Variants in ITIH5 observed in about 807,000 individuals in gnomAD.
ITIH5 encodes inter-alpha-trypsin inhibitor heavy chain 5, also known as inter-alpha-trypsin inhibitor heavy chain H5.
ITIH5 carries 65 observed loss-of-function variants against 77.5 expected under a neutral mutation model. The observed-to-expected ratio is 0.84, with a 90% CI of 0.69 to 1.03. ITIH5 has a LOEUF of 1.03. ITIH5 is among the 50% of genes least tolerant of loss of function. ITIH5 has a pLI of 0.00. For missense variants in ITIH5, 1,208 were observed against 1,213.1 expected (o/e 1.00, Z 0.06); for synonymous variants, 525 against 494.3 (o/e 1.06, Z -0.82).
At chr10:7,656,227 T>A (rs1328589835) in intron 1 of ITIH5, among the ~76,000 whole-genome samples, 1 of 152,178 alleles carries the variant, frequency 6.6e-6, no homozygotes, top group African/African-American at 2.4e-5. Flanking sequence ...TGAAATCGTC[T>A]TTTTTTAGAC....
In ITIH5 at chr10:7,562,348, T is replaced by C. The variant is rs529878467; in HGVS notation, c.*735A>G. On this transcript the variant is annotated 3_prime_UTR_variant, in exon 14 of 14. Coordinates refer to ENST00000397146, the MANE Select transcript of ITIH5 (RefSeq NM_030569.7). ...AAAGCCCTTAGCTTATTGGAACAAA[T>C]TGGAGAATAGCCATTAGCAAAGTCA... The C allele has an allele frequency of 7.2e-5, 11 of 152,290 alleles. No individual in the cohort carries two copies. In the East Asian group the frequency reaches 7.7e-4, roughly 11 times the overall value. 9.4% of individuals were successfully genotyped at this position (152,290 alleles called of 1,614,324 possible).
chr10:7,577,928 T>C (rs534664601), intron 9 of ITIH5, among the ~76,000 whole-genome samples: 112 of 152,318 alleles, frequency 7.4e-4, no homozygotes, highest in African/African-American at 2.6e-3. Flanking sequence ...ACAAACTACA[T>C]TTCCCAGCCT....
rs139355305 is a variant in ITIH5 at position 7,655,659 on chromosome 10, G to A, written c.107C>T (p.Pro36Leu). Residue 36 changes from proline to leucine, a missense_variant, in exon 2 of 14, where the codon CCG becomes CTG. Transcript: ENST00000397146. ...CCTCTGCAACAGTCTGACTTGCCTCGGGACCCTGAGTCCATCCTAGAAAAG... is the reference window on the plus strand; with the variant it reads ...CCTCTGCAACAGTCTGACTTGCCTCAGGACCCTGAGTCCATCCTAGAAAAG... ...HSSEQDGLRV[P>L]RQVRLLQRLK... 2.5e-5 allele frequency: 41 copies of A among 1,612,396 alleles called. No homozygotes were observed. The highest frequency in any genetic ancestry group is 8.8e-5 in the South Asian group (8 of 91,044).
intron 12 of ITIH5, among the ~76,000 whole-genome samples, chr10:7,569,010 C>CTTTTTTTTTTTTTTTTTTTT (rs5782983): frequency 2.0e-4 from 14 of 71,594 alleles, no homozygotes; most frequent in African/African-American, 2.5e-4. Flanking sequence ...TTTTCTTTTT[C>CTTTTTTTTTTTTTTTTTTTT]TTTTTTTTTT....
rs778576459 is a variant in ITIH5, at chr10:7,563,039, A to G, written c.*44T>C. ...AAAAGAGCTGCCCCACGGCCTCCCC[A>G]CATCACTGTCCTTCATGCACTTGCA... is the stretch of plus-strand genomic sequence containing the variant. On this transcript the variant is annotated 3_prime_UTR_variant, in exon 14 of 14. Coordinates refer to ENST00000397146, the MANE Select transcript of ITIH5 (RefSeq NM_030569.7). The G allele has an allele frequency of 1.3e-6, 2 of 1,578,136 alleles. No homozygotes were observed. Among genetic ancestry groups the G allele is most frequent in the African/African-American group, 1.3e-5 (1 of 74,452 alleles).
intron 13 of ITIH5, among the ~76,000 whole-genome samples, chr10:7,565,437 T>C (rs888080782): frequency 6.7e-6 from 1 of 148,588 alleles, no homozygotes; most frequent in African/African-American, 2.5e-5. Context: ...TATATACACA[T>C]AGACTGTGTA....
intron 10 of ITIH5, among the ~76,000 whole-genome samples, chr10:7,573,505 A>T (rs1832346831): frequency 6.7e-6 from 1 of 149,550 alleles, no homozygotes; most frequent in Non-Finnish European, 1.5e-5. Flanking sequence ...TGTCTCTACA[A>T]AAAAAAAATA....
At chr10:7,567,100 CT>C (rs1832201513) in intron 12 of ITIH5, among the ~76,000 whole-genome samples, 1 of 151,700 alleles carries the variant, frequency 6.6e-6, no homozygotes, top group Non-Finnish European at 1.5e-5. Context: ...GGATTTTTTA[CT>C]GTTGTCTGAC....
chr10:7,659,766 C>T (rs907771636), intron 1 of ITIH5, among the ~76,000 whole-genome samples: 2 of 152,212 alleles, frequency 1.3e-5, no homozygotes, highest in South Asian at 2.1e-4. Context: ...ACACTTCAGT[C>T]CAAGTTTCAA....
At chr10:7,594,205 C>G (rs978309818) in intron 7 of ITIH5, among the ~76,000 whole-genome samples, 5 of 152,188 alleles carry the variant, frequency 3.3e-5, no homozygotes, top group Non-Finnish European at 7.3e-5. Flanking sequence ...TGGACAAGAT[C>G]CCCGTTCAGA....
At chr10:7,615,812 C>G (rs190040295) in intron 7 of ITIH5, among the ~76,000 whole-genome samples, 170 bp downstream of exon 7, 51 of 152,346 alleles carry the variant, frequency 3.3e-4, no homozygotes, top group African/African-American at 1.1e-3. Context: ...CGCTGAAATA[C>G]AGTTTATGTC....
chr10:7,582,849 T>C (rs1402347134), intron 8 of ITIH5, among the ~76,000 whole-genome samples: 2 of 151,894 alleles, frequency 1.3e-5, no homozygotes, highest in Non-Finnish European at 2.9e-5. Context: ...GGCAGGGTAG[T>C]GGGGGGTGGG....
At chr10:7,625,764 CA>C (rs376876834) in intron 5 of ITIH5, among the ~76,000 whole-genome samples, 138 of 117,714 alleles carry the variant, frequency 1.2e-3, no homozygotes, top group South Asian at 2.1e-3. Context: ...TATTCTGTCT[CA>C]AAAAAAAAAA....
chr10:7,640,744 C>A lies in ITIH5; in HGVS notation c.401+10G>T, dbSNP rs1292588958. ...ATGGGTTTTTAATTCCTTAATTAAC[C>A]AATACTTACCCATTTTCTTCTGTGG... On this transcript the variant is annotated intron_variant, in intron 4 of 13. Coordinates refer to ENST00000397146, the MANE Select transcript of ITIH5 (RefSeq NM_030569.7). 1.3e-6 allele frequency: 2 copies of A among 1,572,796 alleles called. No individual in the cohort carries two copies. Among genetic ancestry groups the A allele is most frequent in the Non-Finnish European group, 1.7e-6 (2 of 1,143,638 alleles).
At chr10:7,655,488 T>C in intron 2 of ITIH5, 143 bp downstream of exon 2, 1 of 580,580 alleles carries the variant, frequency 1.7e-6, no homozygotes, top group Admixed American at 3.3e-5. Context: ...TATAAAAGAC[T>C]CAACTATGCT....
In ITIH5 at chr10:7,579,943, C is replaced by T. The variant is rs746173381; in HGVS notation, c.1230G>A (p.Thr410=). The change falls in exon 9 of 14, where the codon ACG becomes ACA. Residue 410 remains threonine, a synonymous_variant. Transcript: ENST00000397146. ...LIVFLTDGKP[T]VGETHTLKIL... is the part of the protein sequence containing the mutation. ...TCTTGAGGGTGTGCGTCTCCCCGAC[C>T]GTGGGCTTCCCATCCGTCAGGAAGA... 5.6e-6 allele frequency: 9 copies of T among 1,614,060 alleles called. No homozygotes were observed. The highest frequency in any genetic ancestry group is 1.3e-5 in the African/African-American group (1 of 74,926).
chr10:7,631,309 C>T lies in ITIH5; in HGVS notation c.652+5919G>A, dbSNP rs553010522. Reference sequence around the variant, plus strand: ...GGAACCACTGAGGTTGGCAATGGAGCCGTCAAACCACAGGGATGAAGGCTG... The same window carrying T: ...GGAACCACTGAGGTTGGCAATGGAGTCGTCAAACCACAGGGATGAAGGCTG... On this transcript the variant is annotated intron_variant, in intron 5 of 13. Coordinates refer to ENST00000397146, the MANE Select transcript of ITIH5 (RefSeq NM_030569.7). Among the ~76,000 whole-genome samples the T allele has an allele frequency of 3.1e-3, 470 of 152,238 alleles. 2 individuals are homozygous for T. Among genetic ancestry groups the T allele is most frequent in the Non-Finnish European group, 5.4e-3 (369 of 68,010 alleles).
intron 8 of ITIH5, among the ~76,000 whole-genome samples, chr10:7,581,141 T>C (rs913654546): frequency 6.6e-6 from 1 of 152,076 alleles, no homozygotes; most frequent in Admixed American, 6.5e-5. Context: ...ATGCCTGTAA[T>C]CCCAGCTACT....
intron 2 of ITIH5, among the ~76,000 whole-genome samples, chr10:7,644,509 T>A (rs1321649187): frequency 7.6e-6 from 1 of 130,898 alleles, no homozygotes; most frequent in African/African-American, 2.9e-5. Flanking sequence ...CACATATATA[T>A]GATATATATC....
Sources: allele counts gnomAD v4.1 joint callset (sites outside exome capture counted in the v4.1 genomes callset), GRCh38; gene constraint gnomAD v4.1.1; transcripts MANE v1.5; gene names NCBI Gene and HGNC (gene_info 2026-07-23, HGNC 2026-07-21).